CTIF: variants seen among roughly 807,000 people sequenced by gnomAD.
CTIF encodes cap binding complex dependent translation initiation factor, also known as CBP80/20-dependent translation initiation factor.
A neutral mutation model predicts 66.0 loss-of-function variants in CTIF; 21 were observed. The observed-to-expected ratio is 0.32, with a 90% confidence interval of 0.23 to 0.46. CTIF has a LOEUF of 0.46. Ranked by LOEUF, CTIF falls within the 20% of genes least tolerant of loss-of-function variation. The pLI is 1.00. For missense variants in CTIF, 739 were observed against 812.7 expected (o/e 0.91, Z 1.10); for synonymous variants, 345 against 326.4 (o/e 1.06, Z -0.62).
At chr18:48,820,834 C>T (rs4547405) in intron 10 of CTIF, among the ~76,000 whole-genome samples, 86,989 of 152,098 alleles carry the variant, frequency 0.57, 26,268 homozygotes, top group African/African-American at 0.78. Flanking sequence ...AGGACAAACC[C>T]AAGGGATAGA....
chr18:48,859,519 C>G lies in CTIF; in HGVS notation c.1757C>G (p.Thr586Arg). The stretch of plus-strand genomic sequence containing the variant: ...TGGAACCCTCTGACGCCCCCCATCA[C>G]GCAGTACTACAACAGAACCATCCAG... The part of the protein sequence containing the change: ...NSWNPLTPPI[T>R]QYYNRTIQKL... Residue 586 changes from threonine to arginine, a missense_variant, in exon 12 of 12, where the codon ACG becomes AGG. Thr to Arg is a moderately conservative substitution (Grantham distance 71). Around this residue, in one of 2 missense-constraint regions of CTIF, gnomAD observed 210 missense variants for 292.3 expected, o/e 0.72. Transcript: ENST00000256413. 6.2e-7 allele frequency: 1 copy of G among 1,614,170 alleles called. No individual in the cohort carries two copies. The highest frequency in any genetic ancestry group is 8.5e-7 in the Non-Finnish European group (1 of 1,180,038).
At chr18:48,776,253 A>C (rs1910661501) in intron 9 of CTIF, among the ~76,000 whole-genome samples, 1 of 152,194 alleles carries the variant, frequency 6.6e-6, no homozygotes, top group Non-Finnish European at 1.5e-5. Context: ...ATATGCCCCC[A>C]TGTGCCCCAA....
At chr18:48,771,996 C>A (rs989548500) in intron 9 of CTIF, among the ~76,000 whole-genome samples, 1 of 152,232 alleles carries the variant, frequency 6.6e-6, no homozygotes, top group South Asian at 2.1e-4. Context: ...GCTCACCGCC[C>A]TGTCCCTGGC....
At chr18:48,714,072 C>T (rs1176345929) in intron 7 of CTIF, among the ~76,000 whole-genome samples, 1 of 152,148 alleles carries the variant, frequency 6.6e-6, no homozygotes, top group African/African-American at 2.4e-5. Flanking sequence ...CAGGGGTCTC[C>T]TGAGTCTGTT....
chr18:48,858,545 A>G (rs117947063), intron 11 of CTIF, among the ~76,000 whole-genome samples: 4,125 of 152,272 alleles, frequency 0.027, 62 homozygotes, highest in African/African-American at 0.036. Flanking sequence ...GGAAGGGCTC[A>G]GGGGTTCAAG....
At chr18:48,729,762 C>G (rs764790131) in intron 7 of CTIF, among the ~76,000 whole-genome samples, 2 of 152,084 alleles carry the variant, frequency 1.3e-5, no homozygotes, top group African/African-American at 2.4e-5. Context: ...GGTCCTGCCT[C>G]GGGTAGAGGA....
rs1260608152 is a variant in CTIF at position 48,817,296 on chromosome 18, G to A, written c.1447G>A (p.Glu483Lys). ...GCTGGGCTTCATCACCTTCCTGTGC[G>A]AGGTCTTCGGCACCATGCGCAGCAG... The part of the protein sequence containing the change: ...RWLGFITFLC[E>K]VFGTMRSSTG... Residue 483 changes from glutamate (E) to lysine (K), a missense_variant, in exon 10 of 12, where the codon GAG (glutamate) becomes AAG (lysine). Coordinates refer to ENST00000256413, the MANE Select transcript of CTIF (RefSeq NM_014772.3). The A allele has an allele frequency of 8.7e-6, 14 of 1,613,886 alleles. No homozygotes were observed. Among genetic ancestry groups the A allele is most frequent in the South Asian group, 5.5e-5 (5 of 91,082 alleles).
intron 9 of CTIF, among the ~76,000 whole-genome samples, chr18:48,767,947 A>C (rs1452472724): frequency 6.6e-6 from 1 of 152,094 alleles, no homozygotes; most frequent in African/African-American, 2.4e-5. Context: ...TTATCAGTGA[A>C]TCTCTCAAGT....
intron 7 of CTIF, among the ~76,000 whole-genome samples, chr18:48,719,547 T>C (rs1356219234): frequency 6.6e-6 from 1 of 152,232 alleles, no homozygotes; most frequent in Non-Finnish European, 1.5e-5. Context: ...TTCGCCTACT[T>C]GTAAAACTTA....
At chr18:48,842,338 C>G (rs1422700795) in intron 10 of CTIF, among the ~76,000 whole-genome samples, 2 of 152,110 alleles carry the variant, frequency 1.3e-5, no homozygotes, top group Admixed American at 6.5e-5. Context: ...TGCCTTGAAG[C>G]CTGTGAGGCA....
At chr18:48,616,139 T>A (rs556991002) in intron 1 of CTIF, among the ~76,000 whole-genome samples, 35 of 151,816 alleles carry the variant, frequency 2.3e-4, no homozygotes, top group South Asian at 1.0e-3. Context: ...CCGTGTAGAG[T>A]TCCTGCAAAA....
intron 1 of CTIF, among the ~76,000 whole-genome samples, chr18:48,606,547 A>C (rs2090204816): frequency 6.6e-6 from 1 of 152,168 alleles, no homozygotes; most frequent in Non-Finnish European, 1.5e-5. Flanking sequence ...GACCTCCCTA[A>C]ATGACTTCGG....
intron 10 of CTIF, among the ~76,000 whole-genome samples, 160 bp downstream of exon 10, chr18:48,817,536 G>A (rs1235246484): frequency 6.6e-6 from 1 of 152,168 alleles, no homozygotes; most frequent in Admixed American, 6.5e-5. Context: ...AGCACTTTGG[G>A]AGGCCAAGGC....
At chr18:48,745,172 T>TA (rs2092586225) in intron 7 of CTIF, among the ~76,000 whole-genome samples, 1 of 152,214 alleles carries the variant, frequency 6.6e-6, no homozygotes, top group African/African-American at 2.4e-5. Flanking sequence ...GGCCTTTTTT[T>TA]AAAGAGTGAC....
chr18:48,809,347 G>A (rs1276318539), intron 9 of CTIF, among the ~76,000 whole-genome samples: 1 of 152,036 alleles, frequency 6.6e-6, no homozygotes, highest in Non-Finnish European at 1.5e-5. Context: ...AGGGTCATAG[G>A]TGTTGCTGCC....
intron 7 of CTIF, among the ~76,000 whole-genome samples, chr18:48,724,348 AC>A (rs1206322344): frequency 6.6e-6 from 1 of 151,932 alleles, no homozygotes; most frequent in Non-Finnish European, 1.5e-5. Flanking sequence ...GGCCTGCTCC[AC>A]CTGCCCTCAG....
At chr18:48,609,215 G>C (rs2090263110) in intron 1 of CTIF, among the ~76,000 whole-genome samples, 2 of 152,168 alleles carry the variant, frequency 1.3e-5, no homozygotes, top group South Asian at 4.1e-4. Context: ...AGGGTGTTCA[G>C]AGTTGGGAGG....
Position 48,807,093 on chromosome 18 carries a change from A to T in CTIF, c.1372-10128A>T, listed in dbSNP as rs79857624. Among the ~76,000 whole-genome samples, 861 of 152,298 alleles carry T rather than the reference A, an allele frequency of 5.7e-3. 9 individuals carry two copies. The highest frequency in any genetic ancestry group is 0.02 in the African/African-American group (828 of 41,548). ...GGAATGGCTTGTTTCGGTTGGCAGA[A>T]AGGACTCCTTGTTCCAGAGGAAAAG... On this transcript the variant is annotated intron_variant, in intron 9 of 11. Transcript: ENST00000256413.
At chr18:48,812,024 A>G (rs905025439) in intron 9 of CTIF, among the ~76,000 whole-genome samples, 1 of 152,182 alleles carries the variant, frequency 6.6e-6, no homozygotes, top group Non-Finnish European at 1.5e-5. Context: ...GTGCAGTGGC[A>G]TGATCTCAGC....
Sources: gnomAD v4.1 joint callset for allele counts (sites outside exome capture counted in the v4.1 genomes callset) on GRCh38, gnomAD v4.1.1 for gene constraint, gnomAD v4.1.1 regional missense constraint, MANE v1.5 for transcripts, NCBI Gene and HGNC (gene_info 2026-07-23, HGNC 2026-07-21) for gene names.